Variants in BNC2 observed in about 807,000 individuals in gnomAD.
The protein encoded by BNC2 is zinc finger protein basonuclin-2.
A neutral mutation model predicts 76.3 loss-of-function variants in BNC2; 20 were observed. The ratio of observed to expected loss-of-function variants is 0.26; its 90% CI spans 0.18 to 0.38. The LOEUF (loss-of-function observed/expected upper bound fraction) is 0.38. Among genes scored for constraint, BNC2 ranks in the 10% least tolerant of loss-of-function variants. BNC2 has a pLI of 1.00. For missense variants in BNC2, 1,382 were observed against 1,399.8 expected, an observed-to-expected ratio of 0.99 and a Z score of 0.20; for synonymous variants, 582 against 514.8, an observed-to-expected ratio of 1.13 and a Z score of -1.77.
intron 5 of BNC2, among the ~76,000 whole-genome samples, chr9:16,495,713 G>C (rs1368714634): frequency 6.6e-6 from 1 of 152,136 alleles, no homozygotes; most frequent in Non-Finnish European, 1.5e-5. Flanking sequence ...CTAGGGCCCA[G>C]TGGCTGGGGC....
At chr9:16,773,513 A>G (rs10217740) in intron 1 of BNC2, among the ~76,000 whole-genome samples, 38 of 37,550 alleles carry the variant, frequency 1.0e-3, no homozygotes, top group Non-Finnish European at 1.4e-3. Flanking sequence ...ATGCAATCAG[A>G]AAAAAAAAAA....
In BNC2 at chr9:16,816,149, G is replaced by A. The variant is rs147514386; in HGVS notation, c.3+54497C>T. ...CAGAGCTGCATAAATTTTGCCTGAGGTTAAAGCTGGAGTAAAGCCTAATCA... is the reference window on the plus strand; with the variant it reads ...CAGAGCTGCATAAATTTTGCCTGAGATTAAAGCTGGAGTAAAGCCTAATCA... On this transcript the variant is annotated intron_variant, in intron 1 of 6. Transcript: ENST00000380672. Among the ~76,000 whole-genome samples, 13 of 152,122 alleles carry A rather than the reference G, an allele frequency of 8.5e-5. No individual in the cohort carries two copies. The East Asian group carries it at 1.5e-3, about 18-fold the overall frequency.
chr9:16,448,217 T>G (rs1821266607), intron 5 of BNC2, among the ~76,000 whole-genome samples: 1 of 152,128 alleles, frequency 6.6e-6, no homozygotes, highest in South Asian at 2.1e-4. Flanking sequence ...AAACCAAAGT[T>G]CCACTACTAA....
At chr9:16,522,972 T>C (rs1022559700) in intron 5 of BNC2, among the ~76,000 whole-genome samples, 4 of 152,150 alleles carry the variant, frequency 2.6e-5, no homozygotes, top group African/African-American at 9.7e-5. Flanking sequence ...AGCTGGATGC[T>C]CCAAGAGTTC....
At chr9:16,561,018 C>T (rs1392767775) in intron 4 of BNC2, among the ~76,000 whole-genome samples, 3 of 151,924 alleles carry the variant, frequency 2.0e-5, no homozygotes, top group Admixed American at 2.0e-4. Flanking sequence ...ACTTTGGGAT[C>T]ACCAGAGGTC....
At chr9:16,799,346 ACTCT>A (rs1817729509) in intron 1 of BNC2, among the ~76,000 whole-genome samples, 1 of 151,364 alleles carries the variant, frequency 6.6e-6, no homozygotes, top group South Asian at 2.1e-4. Context: ...ATGGAGTCTC[ACTCT>A]CTCACCCAAA....
At chr9:16,630,811 C>A (rs533655880) in intron 3 of BNC2, among the ~76,000 whole-genome samples, 1 of 148,256 alleles carries the variant, frequency 6.7e-6, no homozygotes, top group African/African-American at 2.6e-5. Flanking sequence ...GCGATCTCGG[C>A]TCACTGCAAC....
intron 3 of BNC2, among the ~76,000 whole-genome samples, chr9:16,709,829 T>C (rs554012281): frequency 2.0e-5 from 3 of 152,266 alleles, no homozygotes; most frequent in South Asian, 2.1e-4. Context: ...TGTTAAAATT[T>C]TGGAATAAAT....
At chr9:16,855,596 G>A (rs758587629) in intron 1 of BNC2, among the ~76,000 whole-genome samples, 23 of 152,228 alleles carry the variant, frequency 1.5e-4, no homozygotes, top group Admixed American at 9.8e-4. Flanking sequence ...GGAGTGCAGC[G>A]GCGCAATCTC....
rs1819129876 is a variant in BNC2, at chr9:16,565,058, A to C, written c.434-12293T>G. ...AGTCTAATTTATACCATTTTAGAGC[A>C]GGCTTTTAGACCTTCATAACTTCAT... On this transcript the variant is annotated intron_variant, in intron 4 of 6. Transcript: ENST00000380672. Among the ~76,000 whole-genome samples the C allele has an allele frequency of 2.6e-5, 4 of 152,316 alleles. No homozygotes were observed. The South Asian group carries it at 8.3e-4, about 32-fold the overall frequency.
intron 5 of BNC2, among the ~76,000 whole-genome samples, chr9:16,507,345 C>T (rs868443979): frequency 7.7e-5 from 11 of 143,062 alleles, no homozygotes; most frequent in South Asian, 4.7e-4. Context: ...GCTCAGCCTA[C>T]GCCTCCTGGG....
At chr9:16,789,425 C>A (rs1261662346) in intron 1 of BNC2, among the ~76,000 whole-genome samples, 1 of 152,152 alleles carries the variant, frequency 6.6e-6, no homozygotes, top group Non-Finnish European at 1.5e-5. Context: ...CCATTGCCTA[C>A]AAGTTCCATG....
intron 6 of BNC2, among the ~76,000 whole-genome samples, chr9:16,421,724 CCTACTGTGAGGT>C (rs1224979256): frequency 6.6e-6 from 1 of 152,192 alleles, no homozygotes; most frequent in Non-Finnish European, 1.5e-5. Flanking sequence ...GCAGGAAATG[CCTACTGTGAGGT>C]CTTTACTCTG....
chr9:16,706,182 CA>C (rs1234729534), intron 3 of BNC2, among the ~76,000 whole-genome samples: 8 of 152,166 alleles, frequency 5.3e-5, no homozygotes, highest in Admixed American at 5.2e-4. Flanking sequence ...CATAGTTTTG[CA>C]CCCCAAAATA....
intron 5 of BNC2, among the ~76,000 whole-genome samples, chr9:16,515,136 A>G (rs1263503421): frequency 6.6e-6 from 1 of 152,220 alleles, no homozygotes; most frequent in South Asian, 2.1e-4. Flanking sequence ...AGTGGAAGCA[A>G]CATCCAGAGG....
At chr9:16,731,922 A>G (rs1318594839) in intron 2 of BNC2, among the ~76,000 whole-genome samples, 1 of 152,106 alleles carries the variant, frequency 6.6e-6, no homozygotes, top group Non-Finnish European at 1.5e-5. Context: ...ATATAACTAC[A>G]CACTGTGCAT....
chr9:16,436,531 G>A lies in BNC2; in HGVS notation c.1663C>T (p.Pro555Ser). The A allele has an allele frequency of 6.2e-7, 1 of 1,614,106 alleles. No individual in the cohort carries two copies. The highest frequency in any genetic ancestry group is 8.5e-7 in the Non-Finnish European group (1 of 1,180,026). ...AGCCCAGAAAATACTAGCTGGCTAG[G>A]GAGAGGATTTTGCAAGACAGGGTCT... The part of the protein sequence containing the change: ...PLDPVLQNPL[P>S]SQLVFSGLKT... The change falls in exon 6 of 7, where the codon CCT becomes TCT. Residue 555 changes from proline (P) to serine (S), a missense_variant. Around this residue, in one of 3 missense-constraint regions of BNC2, gnomAD observed 798 missense variants for 775.5 expected, o/e 1.03. Coordinates refer to ENST00000380672, the MANE Select transcript of BNC2 (RefSeq NM_017637.6).
chr9:16,627,975 G>C (rs763684393), intron 3 of BNC2, among the ~76,000 whole-genome samples: 1 of 152,084 alleles, frequency 6.6e-6, no homozygotes, highest in Non-Finnish European at 1.5e-5. Context: ...GACATTTTAC[G>C]GTGTACAATT....
intron 5 of BNC2, among the ~76,000 whole-genome samples, chr9:16,497,231 T>C (rs1822409234): frequency 6.6e-6 from 1 of 152,214 alleles, no homozygotes; most frequent in Non-Finnish European, 1.5e-5. Context: ...ACCCAGTTTA[T>C]GATGTAGGCC....
Sources: allele counts gnomAD v4.1 joint callset (sites outside exome capture counted in the v4.1 genomes callset), GRCh38; gene constraint gnomAD v4.1.1; regional missense constraint gnomAD v4.1.1; transcripts MANE v1.5; gene names NCBI Gene and HGNC (gene_info 2026-07-23, HGNC 2026-07-21).